VWA8: variants seen among roughly 807,000 people sequenced by gnomAD.
The protein encoded by VWA8 is von Willebrand factor A domain containing 8.
In VWA8, 221 loss-of-function variants were observed where a neutral mutation model predicts 241.5. The observed-to-expected ratio is 0.91, with a 90% CI of 0.82 to 1.02. VWA8 has a LOEUF of 1.02. Among genes scored for constraint, VWA8 ranks in the 50% least tolerant of loss-of-function variants. The pLI, the probability that VWA8 is intolerant of heterozygous loss-of-function variation, is 0.00. For missense variants in VWA8, 2,322 were observed against 2,328.7 expected (o/e 1.00, Z 0.06); for synonymous variants, 852 against 827.1 (o/e 1.03, Z -0.52).
At chr13:41,830,120 G>C (rs1871373868) in intron 14 of VWA8, among the ~76,000 whole-genome samples, 1 of 151,546 alleles carries the variant, frequency 6.6e-6, no homozygotes, top group Non-Finnish European at 1.5e-5. Flanking sequence ...GCGGGCGCCT[G>C]TGTTCCTGGC....
At chr13:41,887,527 G>C (rs188838828) in intron 5 of VWA8, among the ~76,000 whole-genome samples, 166 bp from the exon 6 acceptor site, 85 of 152,294 alleles carry the variant, frequency 5.6e-4, no homozygotes, top group African/African-American at 2.0e-3. Context: ...TCAGGTTCAG[G>C]ATGCCAGGGC....
chr13:41,567,584 T>TGATTC lies in VWA8; in HGVS notation c.*608_*612dup, dbSNP rs1213500003. 1 of 152,236 alleles carries TGATTC rather than the reference T, an allele frequency of 6.6e-6. No individual in the cohort carries two copies. The highest frequency in any genetic ancestry group is 1.9e-4 in the East Asian group (1 of 5,200). 9.4% of individuals were successfully genotyped at this position (152,236 alleles called of 1,614,324 possible). On this transcript the variant is annotated 3_prime_UTR_variant, in exon 45 of 45. Coordinates refer to ENST00000379310, the MANE Select transcript of VWA8 (RefSeq NM_015058.2). ...AAAGGCAAGCACTCCAAGGATTTTT[T>TGATTC]GATTCCTTTTGGCTTTGGCCAAGAA... is the stretch of plus-strand genomic sequence containing the variant.
chr13:41,746,587 G>C (rs577491010), intron 21 of VWA8, among the ~76,000 whole-genome samples: 1 of 152,136 alleles, frequency 6.6e-6, no homozygotes, highest in East Asian at 1.9e-4. Flanking sequence ...TTTGGTAAAC[G>C]TTTTTATGAA....
At chr13:41,883,737 A>G (rs74055146) in intron 8 of VWA8, among the ~76,000 whole-genome samples, 34,994 of 151,802 alleles carry the variant, frequency 0.23, 4,075 homozygotes, top group East Asian at 0.29. Flanking sequence ...CCACACTTCT[A>G]TGTCTGGTCT....
At chr13:41,759,418 G>T (rs1468047512) in intron 21 of VWA8, among the ~76,000 whole-genome samples, 1 of 151,106 alleles carries the variant, frequency 6.6e-6, no homozygotes, top group Non-Finnish European at 1.5e-5. Flanking sequence ...TGTTTATTCT[G>T]CTTGAAGTTC....
chr13:41,794,364 G>T (rs972618378), intron 17 of VWA8, among the ~76,000 whole-genome samples: 3 of 152,244 alleles, frequency 2.0e-5, no homozygotes, highest in Non-Finnish European at 2.9e-5. Context: ...CTTGTTAGCT[G>T]TATTCCTAGG....
intron 2 of VWA8, among the ~76,000 whole-genome samples, chr13:41,949,079 G>T (rs1336131847): frequency 1.4e-5 from 2 of 146,818 alleles, no homozygotes; most frequent in Non-Finnish European, 3.0e-5. Flanking sequence ...CCAGGGCAGG[G>T]TAAAGGGGTA....
intron 42 of VWA8, among the ~76,000 whole-genome samples, chr13:41,577,112 T>A (rs535141912): frequency 2.6e-5 from 4 of 152,216 alleles, no homozygotes; most frequent in Non-Finnish European, 4.4e-5. Flanking sequence ...ATGAGAATAG[T>A]TGGGGATCCC....
At chr13:41,691,997 C>T (rs2045181636) in intron 30 of VWA8, 59 bp from the exon 31 acceptor site, 1 of 1,071,798 alleles carries the variant, frequency 9.3e-7, no homozygotes, top group African/African-American at 1.6e-5. Flanking sequence ...TCATGTCCCT[C>T]TTTAGCTACT....
chr13:41,831,620 T>TTTG (rs1343785794), intron 13 of VWA8, among the ~76,000 whole-genome samples: 1 of 84,358 alleles, frequency 1.2e-5, no homozygotes, highest in Non-Finnish European at 3.2e-5. Context: ...TGAGTTTTTT[T>TTTG]TTTTTTTTTT....
At chr13:41,897,871 C>T (rs1875196852) in intron 4 of VWA8, among the ~76,000 whole-genome samples, 1 of 152,120 alleles carries the variant, frequency 6.6e-6, no homozygotes, top group African/African-American at 2.4e-5. Flanking sequence ...GCTCCGGCAG[C>T]CTGCTTTTAT....
intron 42 of VWA8, among the ~76,000 whole-genome samples, chr13:41,585,879 AG>A (rs371809883): frequency 7.4e-5 from 11 of 148,836 alleles, no homozygotes; most frequent in African/African-American, 2.5e-4. Flanking sequence ...AAAAAAAAAA[AG>A]AAAAAGAAAA....
At chr13:41,829,625 T>C (rs1416524253) in intron 14 of VWA8, among the ~76,000 whole-genome samples, 9 of 151,668 alleles carry the variant, frequency 5.9e-5, no homozygotes, top group Non-Finnish European at 1.3e-4. Flanking sequence ...TGAAATAATA[T>C]CTTTTGCAGC....
At chr13:41,833,553 C>A in intron 12 of VWA8, 22 bp from the exon 13 acceptor site, 3 of 1,578,704 alleles carry the variant, frequency 1.9e-6, no homozygotes, top group Non-Finnish European at 2.6e-6. Context: ...CCCCACCACC[C>A]AACAAAGAAC....
chr13:41,762,376 G>C (rs572204122), intron 20 of VWA8, among the ~76,000 whole-genome samples: 1 of 152,206 alleles, frequency 6.6e-6, no homozygotes, highest in African/African-American at 2.4e-5. Flanking sequence ...TCAGAGGTAA[G>C]CATTGTGCAC....
At chr13:41,780,908 G>A (rs973009045) in intron 19 of VWA8, among the ~76,000 whole-genome samples, 104 of 152,078 alleles carry the variant, frequency 6.8e-4, no homozygotes, top group African/African-American at 2.5e-3. Flanking sequence ...TGCTCCCTGA[G>A]AAAGAATCTC....
intron 26 of VWA8, among the ~76,000 whole-genome samples, chr13:41,712,990 A>C (rs1326784967): frequency 6.6e-6 from 1 of 152,218 alleles, no homozygotes; most frequent in African/African-American, 2.4e-5. Flanking sequence ...ACACCTACCA[A>C]TGCATAAACT....
chr13:41,923,664 T>C (rs1002855519), intron 2 of VWA8, among the ~76,000 whole-genome samples: 28 of 152,068 alleles, frequency 1.8e-4, no homozygotes, highest in Non-Finnish European at 1.5e-4. Context: ...AGACTCTCCA[T>C]TGTGGGAAAG....
At chr13:41,603,763 T>C (rs1327793145) in intron 40 of VWA8, among the ~76,000 whole-genome samples, 1 of 152,162 alleles carries the variant, frequency 6.6e-6, no homozygotes, top group African/African-American at 2.4e-5. Flanking sequence ...TGCTCTCCTA[T>C]ACCTCTGTGC....
Sources: allele counts gnomAD v4.1 joint callset (sites outside exome capture counted in the v4.1 genomes callset), GRCh38; gene constraint gnomAD v4.1.1; transcripts MANE v1.5; gene names NCBI Gene and HGNC (gene_info 2026-07-23, HGNC 2026-07-21).